Variants in ADAMTSL1 observed in about 807,000 individuals in gnomAD.
The protein encoded by ADAMTSL1 is ADAMTS-like protein 1.
A neutral mutation model predicts 201.8 loss-of-function variants in ADAMTSL1; 126 were observed. The observed-to-expected ratio is 0.62, with a 90% confidence interval of 0.54 to 0.72. The LOEUF (loss-of-function observed/expected upper bound fraction) is 0.72, where lower values mean the gene tolerates loss of function less well. Among genes scored for constraint, ADAMTSL1 ranks in the 30% least tolerant of loss-of-function variants. The probability of loss-of-function intolerance (pLI) is 0.00; values close to 1 mark genes in which losing one functional copy is unlikely to be tolerated. For missense variants in ADAMTSL1, 2,679 were observed against 2,277.8 expected, an observed-to-expected ratio of 1.18 and a Z score of -3.59; for synonymous variants, 1,121 against 903.4, an observed-to-expected ratio of 1.24 and a Z score of -4.32.
intron 16 of ADAMTSL1, among the ~76,000 whole-genome samples, chr9:18,754,276 C>G (rs948432358): frequency 6.6e-6 from 1 of 152,174 alleles, no homozygotes; most frequent in Non-Finnish European, 1.5e-5. Flanking sequence ...AATAACACAA[C>G]TATTTTATCA....
intron 2 of ADAMTSL1, among the ~76,000 whole-genome samples, chr9:18,233,728 G>A (rs1205641269): frequency 6.6e-6 from 1 of 152,186 alleles, no homozygotes; most frequent in Admixed American, 6.5e-5. Flanking sequence ...GAAGAAGCCA[G>A]CTGTGGGCAT....
At chr9:18,101,547 G>A (rs1169811411) in intron 1 of ADAMTSL1, among the ~76,000 whole-genome samples, 1 of 151,980 alleles carries the variant, frequency 6.6e-6, no homozygotes, top group African/African-American at 2.4e-5. Context: ...TATGTTTCTG[G>A]AAAAGTTTGA....
rs1396188458 is a variant in ADAMTSL1, at chr9:18,889,550, C to T, written c.4463-18C>T. 9 of 1,612,276 alleles carry T rather than the reference C, an allele frequency of 5.6e-6. No homozygotes were observed. In the Admixed American group the frequency reaches 6.7e-5, roughly 12 times the overall value. On this transcript the variant is annotated intron_variant, in intron 24 of 28. Coordinates refer to ENST00000380548, the MANE Select transcript of ADAMTSL1 (RefSeq NM_001040272.6). ...TTATGCTATATTCTTTTCTACACTGCTCCTCCTCCCATGACAGATTACTGG... is the reference window on the plus strand; with the variant it reads ...TTATGCTATATTCTTTTCTACACTGTTCCTCCTCCCATGACAGATTACTGG...
At chr9:18,260,710 C>T (rs1222795717) in intron 2 of ADAMTSL1, among the ~76,000 whole-genome samples, 1 of 152,172 alleles carries the variant, frequency 6.6e-6, no homozygotes, top group African/African-American at 2.4e-5. Flanking sequence ...TGGTCGTTTC[C>T]ATCTGCCAGT....
At chr9:17,922,365 G>GTGC (rs1203718568) in intron 1 of ADAMTSL1, among the ~76,000 whole-genome samples, 1 of 152,118 alleles carries the variant, frequency 6.6e-6, no homozygotes, top group Non-Finnish European at 1.5e-5. Flanking sequence ...TAAGTCAGTT[G>GTGC]TGCTATGTTG....
chr9:18,899,074 A>T (rs1385323694), intron 26 of ADAMTSL1, among the ~76,000 whole-genome samples: 1 of 152,246 alleles, frequency 6.6e-6, no homozygotes, highest in African/African-American at 2.4e-5. Context: ...AAAGTTTCTT[A>T]AGCTGATAAG....
At chr9:18,658,429 A>C (rs574293113) in intron 8 of ADAMTSL1, among the ~76,000 whole-genome samples, 1 of 152,206 alleles carries the variant, frequency 6.6e-6, no homozygotes, top group South Asian at 2.1e-4. Context: ...TTAGCAATCA[A>C]TTAAAGAGTG....
intron 15 of ADAMTSL1, among the ~76,000 whole-genome samples, chr9:18,738,393 A>T (rs2133531205): frequency 6.6e-6 from 1 of 152,334 alleles, no homozygotes; most frequent in Non-Finnish European, 1.5e-5. Context: ...GTAGAGGGTA[A>T]GGGGTCAACT....
chr9:18,194,979 C>T (rs1829117227), intron 2 of ADAMTSL1, among the ~76,000 whole-genome samples: 1 of 147,714 alleles, frequency 6.8e-6, no homozygotes, highest in South Asian at 2.1e-4. Flanking sequence ...CTTCATAATG[C>T]CCAGTTTAAG....
chr9:18,372,721 C>G (rs1047328610), intron 2 of ADAMTSL1, among the ~76,000 whole-genome samples: 4 of 152,198 alleles, frequency 2.6e-5, no homozygotes, highest in African/African-American at 7.2e-5. Context: ...TTGCTCCCAT[C>G]TATCGTAGAG....
At chr9:18,254,474 TGCCTCA>T (rs1254248286) in intron 2 of ADAMTSL1, among the ~76,000 whole-genome samples, 1 of 143,148 alleles carries the variant, frequency 7.0e-6, no homozygotes, top group Non-Finnish European at 1.5e-5. Context: ...GCCGTTCTCC[TGCCTCA>T]GCCTCCCACG....
At chr9:18,468,495 G>A (rs1212392210) in intron 2 of ADAMTSL1, among the ~76,000 whole-genome samples, 4 of 151,952 alleles carry the variant, frequency 2.6e-5, no homozygotes, top group African/African-American at 9.7e-5. Context: ...TCTCCTACTT[G>A]TATCAGGCTC....
Position 18,777,073 on chromosome 9 carries a change from A to G in ADAMTSL1, c.2844A>G (p.Ser948=), listed in dbSNP as rs368767994. ...CGGATGCAGGCGTCTACACCTGCTC[A>G]GCGGGCCCGGCCCGGGAGCACTTTG... ...KPSDAGVYTC[S]AGPAREHFVI... is the part of the protein sequence containing the mutation. The change falls in exon 19 of 29, where the codon TCA becomes TCG. Residue 948 remains serine (S), a synonymous_variant. Transcript: ENST00000380548. 4 of 1,613,168 alleles carry G rather than the reference A, an allele frequency of 2.5e-6. No homozygotes were observed. In the African/African-American group the frequency reaches 4.0e-5, roughly 16 times the overall value.
chr9:18,224,430 C>G (rs1296983542), intron 2 of ADAMTSL1, among the ~76,000 whole-genome samples: 1 of 152,194 alleles, frequency 6.6e-6, no homozygotes, highest in East Asian at 1.9e-4. Flanking sequence ...AAACACCTCC[C>G]CAAAAGCCCA....
chr9:18,129,674 T>G (rs1461913903), intron 1 of ADAMTSL1, among the ~76,000 whole-genome samples: 1 of 152,170 alleles, frequency 6.6e-6, no homozygotes, highest in African/African-American at 2.4e-5. Context: ...GATATTAAAG[T>G]ACACCATGAA....
intron 2 of ADAMTSL1, among the ~76,000 whole-genome samples, chr9:18,334,184 G>T (rs1048140312): frequency 9.2e-5 from 14 of 152,248 alleles, no homozygotes; most frequent in African/African-American, 3.4e-4. Context: ...TGGAAAGGGA[G>T]AAGTGTGTGC....
At chr9:18,677,544 G>A (rs1247457155) in intron 10 of ADAMTSL1, among the ~76,000 whole-genome samples, 2 of 151,978 alleles carry the variant, frequency 1.3e-5, no homozygotes, top group African/African-American at 4.8e-5. Flanking sequence ...TTGGACCTCA[G>A]GAGTAAGCAA....
At position 18,843,126 on chromosome 9, in the gene ADAMTSL1, G is replaced by A. The variant is rs534300025; in HGVS notation, c.4249+13149G>A. 5.5e-4 allele frequency among the ~76,000 whole-genome samples: 83 copies of A among 151,042 alleles called. 4 individuals are homozygous for A. The highest frequency in any genetic ancestry group is 2.0e-3 in the African/African-American group (82 of 40,374). ...CGTTAGTTGATGCAGTTTCTTCCTAGCCTCAATGGTCTTTACAATTTGGCA... is the reference window on the plus strand; with the variant it reads ...CGTTAGTTGATGCAGTTTCTTCCTAACCTCAATGGTCTTTACAATTTGGCA... On this transcript the variant is annotated intron_variant, in intron 23 of 28. Transcript: ENST00000380548.
chr9:18,890,657 A>T (rs1415631337), intron 25 of ADAMTSL1: 1 of 454,986 alleles, frequency 2.2e-6, no homozygotes, highest in Non-Finnish European at 4.4e-6. Context: ...TTTCCACAGG[A>T]ATGATTAATG....
Sources: gnomAD v4.1 joint callset for allele counts (sites outside exome capture counted in the v4.1 genomes callset) on GRCh38, gnomAD v4.1.1 for gene constraint, MANE v1.5 for transcripts, NCBI Gene and HGNC (gene_info 2026-07-23, HGNC 2026-07-21) for gene names.